CDH18: variants seen among roughly 807,000 people sequenced by gnomAD.
CDH18 encodes cadherin-18.
Under a neutral mutation model 67.9 loss-of-function variants are expected in CDH18, and 31 were observed. The ratio of observed to expected loss-of-function variants is 0.46; its 90% CI spans 0.34 to 0.62. The LOEUF is 0.62. Among genes scored for constraint, CDH18 ranks in the 20% least tolerant of loss-of-function variants. The pLI is 0.01. For missense variants in CDH18, 890 were observed against 975.5 expected (o/e 0.91, Z 1.17); for synonymous variants, 362 against 347.2 (o/e 1.04, Z -0.48).
At chr5:19,604,421 C>T (rs551813629) in intron 6 of CDH18, among the ~76,000 whole-genome samples, 11 of 151,930 alleles carry the variant, frequency 7.2e-5, no homozygotes, top group African/African-American at 2.4e-4. Context: ...GTCTGACTTA[C>T]AGAGTTTGCC....
chr5:19,839,147 G>A lies in CDH18; in HGVS notation c.-161C>T, dbSNP rs184401628. ...TTAACTGTCCATCAGGGAAAGGTCAGATCATATTTACATTCTGAACCACTT... is the reference window on the plus strand; with the variant it reads ...TTAACTGTCCATCAGGGAAAGGTCAAATCATATTTACATTCTGAACCACTT... On this transcript the variant is annotated 5_prime_UTR_variant, in exon 3 of 13. Coordinates refer to ENST00000382275, the MANE Select transcript of CDH18 (RefSeq NM_004934.5). 6.7e-5 allele frequency: 40 copies of A among 596,926 alleles called. No individual in the cohort carries two copies. Among genetic ancestry groups the A allele is most frequent in the Non-Finnish European group, 5.4e-5 (18 of 334,998 alleles). 37.0% of individuals were successfully genotyped at this position (596,926 alleles called of 1,614,324 possible). A position where few individuals can be genotyped will look rare whatever the true frequency, so the allele number is the denominator to read the frequency against.
At chr5:20,196,582 T>C (rs959957612) in intron 2 of CDH18, among the ~76,000 whole-genome samples, 6 of 152,224 alleles carry the variant, frequency 3.9e-5, no homozygotes, top group Non-Finnish European at 8.8e-5. Context: ...ATACTTCTTA[T>C]GTACTTAATA....
At chr5:19,863,069 G>C (rs1385299089) in intron 2 of CDH18, among the ~76,000 whole-genome samples, 1 of 152,072 alleles carries the variant, frequency 6.6e-6, no homozygotes, top group Non-Finnish European at 1.5e-5. Flanking sequence ...ATTTAGGATT[G>C]ACTAATTTGA....
intron 3 of CDH18, among the ~76,000 whole-genome samples, chr5:19,776,391 C>G (rs1347509256): frequency 6.6e-6 from 1 of 151,980 alleles, no homozygotes; most frequent in East Asian, 1.9e-4. Flanking sequence ...GGAAGAGATT[C>G]AAAGCATTGA....
chr5:19,771,920 T>C (rs1464510980), intron 3 of CDH18, among the ~76,000 whole-genome samples: 1 of 152,166 alleles, frequency 6.6e-6, no homozygotes, highest in African/African-American at 2.4e-5. Context: ...CCACATTATA[T>C]ACTTATTAAT....
chr5:19,540,449 C>T (rs760678354), intron 9 of CDH18, among the ~76,000 whole-genome samples: 24 of 152,068 alleles, frequency 1.6e-4, no homozygotes, highest in Non-Finnish European at 2.6e-4. Context: ...CACTAGGCAG[C>T]GCCCCAGTGG....
At chr5:20,047,301 A>C (rs1303320149) in intron 2 of CDH18, among the ~76,000 whole-genome samples, 1 of 151,934 alleles carries the variant, frequency 6.6e-6, no homozygotes, top group Non-Finnish European at 1.5e-5. Context: ...TAAATCCTTA[A>C]GGGAAAAGAA....
At chr5:20,351,052 C>T (rs1741131156) in intron 1 of CDH18, among the ~76,000 whole-genome samples, 3 of 151,930 alleles carry the variant, frequency 2.0e-5, no homozygotes, top group African/African-American at 7.3e-5. Context: ...ATGAGGCTTA[C>T]CTTAACTGTT....
intron 1 of CDH18, among the ~76,000 whole-genome samples, chr5:20,261,469 G>A (rs2126633898): frequency 6.6e-6 from 1 of 152,284 alleles, no homozygotes; most frequent in Non-Finnish European, 1.5e-5. Flanking sequence ...GGTCGGGCGT[G>A]GTGGCTCACG....
intron 2 of CDH18, among the ~76,000 whole-genome samples, chr5:20,128,568 A>T (rs1166390562): frequency 2.6e-5 from 4 of 152,040 alleles, no homozygotes; most frequent in African/African-American, 9.7e-5. Flanking sequence ...CTACTGAAAA[A>T]ACAATTCATT....
chr5:19,774,426 T>TTAAAATAAAG (rs1554030469), intron 3 of CDH18, among the ~76,000 whole-genome samples: 3 of 139,390 alleles, frequency 2.2e-5, no homozygotes, highest in African/African-American at 7.9e-5. Flanking sequence ...TAAAATAAAA[T>TTAAAATAAAG]TAAAATAAAA....
At chr5:19,628,472 A>C (rs1196255811) in intron 5 of CDH18, among the ~76,000 whole-genome samples, 1 of 152,162 alleles carries the variant, frequency 6.6e-6, no homozygotes, top group Non-Finnish European at 1.5e-5. Context: ...AAATGAAATA[A>C]AGTTAGTTAA....
chr5:19,742,176 T>G (rs1451020578), intron 4 of CDH18, among the ~76,000 whole-genome samples: 2 of 152,126 alleles, frequency 1.3e-5, no homozygotes, highest in African/African-American at 4.8e-5. Flanking sequence ...ACAACCACAT[T>G]ATGCTTTTCT....
chr5:20,215,820 G>A (rs938864014), intron 2 of CDH18, among the ~76,000 whole-genome samples: 1 of 151,834 alleles, frequency 6.6e-6, no homozygotes, highest in African/African-American at 2.4e-5. Context: ...ATCATGTTTT[G>A]GCAGGAACAT....
At chr5:19,626,151 T>C (rs1488910232) in intron 5 of CDH18, among the ~76,000 whole-genome samples, 1 of 152,056 alleles carries the variant, frequency 6.6e-6, no homozygotes, top group African/African-American at 2.4e-5. Context: ...GACTTTTTCA[T>C]GGGGAGAGGA....
At chr5:20,538,909 G>GTTTTTTTTTT (rs35247774) in intron 1 of CDH18, among the ~76,000 whole-genome samples, 13 of 118,752 alleles carry the variant, frequency 1.1e-4, no homozygotes, top group African/African-American at 4.0e-4. Flanking sequence ...TTTTTTTTTT[G>GTTTTTTTTTT]TTTTTTTTTT....
At chr5:19,642,637 T>C (rs1754175324) in intron 5 of CDH18, among the ~76,000 whole-genome samples, 1 of 151,990 alleles carries the variant, frequency 6.6e-6, no homozygotes, top group Non-Finnish European at 1.5e-5. Flanking sequence ...ATAATTTAAA[T>C]GGACCCTTAT....
intron 11 of CDH18, among the ~76,000 whole-genome samples, chr5:19,501,140 T>C (rs1294460614): frequency 6.7e-6 from 1 of 148,656 alleles, no homozygotes. Flanking sequence ...TCTCAATATA[T>C]ACAAATATAT....
At chr5:19,692,441 A>G (rs1173224334) in intron 5 of CDH18, among the ~76,000 whole-genome samples, 5 of 152,262 alleles carry the variant, frequency 3.3e-5, no homozygotes, top group Non-Finnish European at 7.4e-5. Context: ...CAGAATAAAG[A>G]GACAACCTGT....
Sources: gnomAD v4.1 joint callset for allele counts (sites outside exome capture counted in the v4.1 genomes callset) on GRCh38, gnomAD v4.1.1 for gene constraint, MANE v1.5 for transcripts, NCBI Gene and HGNC (gene_info 2026-07-23, HGNC 2026-07-21) for gene names.